The following EYS variants were observed in gnomAD, a reference collection of about 807,000 sequenced individuals.
EYS encodes the protein EGF-like photoreceptor maintenance factor.
Under a neutral mutation model 282.1 loss-of-function variants are expected in EYS, and 250 were observed. The ratio of observed to expected loss-of-function variants is 0.89; its 90% CI spans 0.80 to 0.98. The LOEUF is 0.98. Ranked by LOEUF, EYS falls within the 50% of genes least tolerant of loss-of-function variation. EYS has a pLI of 0.00. For synonymous variants in EYS, 1,355 were observed against 1,282.9 expected (o/e 1.06, Z -1.20); for missense variants, 4,016 against 3,709.0 (o/e 1.08, Z -2.15).
intron 31 of EYS, among the ~76,000 whole-genome samples, chr6:64,156,085 T>C (rs2150297915): frequency 6.6e-6 from 1 of 151,172 alleles, no homozygotes; most frequent in Non-Finnish European, 1.5e-5. Context: ...ATTATATATA[T>C]ATGATATGGT....
At chr6:64,451,069 C>T (rs1407169423) in intron 26 of EYS, among the ~76,000 whole-genome samples, 1 of 152,064 alleles carries the variant, frequency 6.6e-6, no homozygotes, top group African/African-American at 2.4e-5. Flanking sequence ...AATCCAGGAG[C>T]TGGTTTTTTT....
chr6:63,974,222 T>G, intron 35 of EYS, among the ~76,000 whole-genome samples: 1 of 152,104 alleles, frequency 6.6e-6, no homozygotes. Context: ...TTACCATTTT[T>G]ACGCATTTTT....
At chr6:64,977,124 C>A (rs1770496899) in intron 14 of EYS, among the ~76,000 whole-genome samples, 1 of 151,906 alleles carries the variant, frequency 6.6e-6, no homozygotes, top group Admixed American at 6.6e-5. Flanking sequence ...AACTCCTGAT[C>A]TCAAATGATC....
intron 2 of EYS, among the ~76,000 whole-genome samples, chr6:65,504,476 C>T (rs936739972): frequency 6.6e-6 from 1 of 151,642 alleles, no homozygotes; most frequent in Non-Finnish European, 1.5e-5. Flanking sequence ...TTGCCTTGTT[C>T]CAGACCTTTG....
chr6:65,588,400 G>A (rs1198167797), intron 2 of EYS, among the ~76,000 whole-genome samples: 2 of 149,620 alleles, frequency 1.3e-5, no homozygotes, highest in African/African-American at 2.4e-5. Flanking sequence ...GTCATGTGGC[G>A]GGGGGAGTAT....
intron 12 of EYS, among the ~76,000 whole-genome samples, chr6:65,180,132 T>C (rs1169013086): frequency 6.6e-6 from 1 of 152,024 alleles, no homozygotes; most frequent in African/African-American, 2.4e-5. Flanking sequence ...AGCATTCCCT[T>C]TGAAAACGGG....
intron 19 of EYS, among the ~76,000 whole-genome samples, chr6:64,870,844 A>G (rs1272201477): frequency 6.6e-6 from 1 of 151,884 alleles, no homozygotes; most frequent in East Asian, 1.9e-4. Context: ...GAAGGAAAAA[A>G]ATAGTGAATG....
chr6:65,012,875 T>TAAA (rs5876936), intron 13 of EYS, among the ~76,000 whole-genome samples: 73 of 148,482 alleles, frequency 4.9e-4, no homozygotes, highest in Non-Finnish European at 5.9e-4. Flanking sequence ...TTTCCTTCAA[T>TAAA]AAAAAAAAAT....
chr6:63,827,661 G>A (rs987080601), intron 36 of EYS, among the ~76,000 whole-genome samples: 12 of 151,952 alleles, frequency 7.9e-5, no homozygotes, highest in Admixed American at 1.3e-4. Context: ...TGGCTAACAA[G>A]GTGAAACCCC....
chr6:65,528,230 G>C (rs552291382), intron 2 of EYS, among the ~76,000 whole-genome samples: 3 of 152,308 alleles, frequency 2.0e-5, no homozygotes, highest in Non-Finnish European at 4.4e-5. Flanking sequence ...CTCTGTTTCT[G>C]ATTGTTAGGA....
chr6:65,098,475 C>T (rs1320505382), intron 12 of EYS, among the ~76,000 whole-genome samples: 2 of 150,718 alleles, frequency 1.3e-5, no homozygotes, highest in African/African-American at 2.4e-5. Flanking sequence ...ACTCCCATTT[C>T]GTCTAGTAAA....
intron 31 of EYS, among the ~76,000 whole-genome samples, chr6:64,186,307 C>T (rs974687978): frequency 6.6e-6 from 1 of 151,424 alleles, no homozygotes; most frequent in African/African-American, 2.4e-5. Flanking sequence ...GGAAGGCAAT[C>T]AAAATCATGT....
rs1295282 is a variant in EYS at position 65,180,324 on chromosome 6, A to T, written c.2023+115539T>A. ...AGAAAACCCCATGGTCTCAGCCCAAAGTCTCCTTAAGCTGATAAACAACTT... is the reference window on the plus strand; with the variant it reads ...AGAAAACCCCATGGTCTCAGCCCAATGTCTCCTTAAGCTGATAAACAACTT... On this transcript the variant is annotated intron_variant, in intron 12 of 42. Transcript: ENST00000503581. 9.0e-3 allele frequency among the ~76,000 whole-genome samples: 1,363 copies of T among 152,214 alleles called. 15 individuals are homozygous for T. The highest frequency in any genetic ancestry group is 0.031 in the African/African-American group (1,292 of 41,554).
At chr6:64,791,332 C>A (rs935958718) in intron 22 of EYS, among the ~76,000 whole-genome samples, 1 of 151,778 alleles carries the variant, frequency 6.6e-6, no homozygotes, top group Non-Finnish European at 1.5e-5. Context: ...CATACACATA[C>A]ATTAGGTGTT....
At chr6:63,724,282 A>G (rs1273011036) in intron 42 of EYS, among the ~76,000 whole-genome samples, 1 of 152,144 alleles carries the variant, frequency 6.6e-6, no homozygotes, top group Non-Finnish European at 1.5e-5. Context: ...CTGCTATCCC[A>G]CCGTGCTTTA....
chr6:63,723,753 T>G (rs927190734), intron 42 of EYS, among the ~76,000 whole-genome samples: 1 of 151,106 alleles, frequency 6.6e-6, no homozygotes, highest in Non-Finnish European at 1.5e-5. Flanking sequence ...CGTTAGGATA[T>G]GATGCTCTAG....
intron 31 of EYS, among the ~76,000 whole-genome samples, chr6:64,211,575 T>A (rs79636086): frequency 0.14 from 19,369 of 135,084 alleles, 1,279 homozygotes; most frequent in African/African-American, 0.18. Context: ...ATATATATAT[T>A]TTTTTTCATA....
intron 11 of EYS, among the ~76,000 whole-genome samples, chr6:65,310,507 C>T (rs1346714078): frequency 6.6e-6 from 1 of 151,982 alleles, no homozygotes; most frequent in Admixed American, 6.5e-5. Flanking sequence ...GTTTGACTAA[C>T]CCTGGTTAGT....
At chr6:64,357,093 G>A (rs1192602045) in intron 29 of EYS, among the ~76,000 whole-genome samples, 3 of 151,380 alleles carry the variant, frequency 2.0e-5, no homozygotes, top group Non-Finnish European at 1.5e-5. Context: ...GGTTCTCTTT[G>A]GACAATTAAT....
Sources: allele counts gnomAD v4.1 joint callset (sites outside exome capture counted in the v4.1 genomes callset), GRCh38; gene constraint gnomAD v4.1.1; transcripts MANE v1.5; gene names NCBI Gene and HGNC (gene_info 2026-07-23, HGNC 2026-07-21).